Variants in SAMSN1 observed in about 807,000 individuals in gnomAD.
The protein encoded by SAMSN1 is SAM domain, SH3 domain and nuclear localization signals 1, also known as SAM domain-containing protein SAMSN-1.
Under a neutral mutation model 42.0 loss-of-function variants are expected in SAMSN1, and 31 were observed. The ratio of observed to expected loss-of-function variants is 0.74; its 90% CI spans 0.55 to 1.00. SAMSN1 has a LOEUF of 1.00. Among genes scored for constraint, SAMSN1 ranks in the 50% least tolerant of loss-of-function variants. The pLI is 0.00. For synonymous variants in SAMSN1, 178 were observed against 151.9 expected (o/e 1.17, Z -1.26); for missense variants, 464 against 439.4 (o/e 1.06, Z -0.50).
intron 2 of SAMSN1, among the ~76,000 whole-genome samples, chr21:14,553,056 A>G (rs978853883): frequency 6.6e-6 from 1 of 151,962 alleles, no homozygotes; most frequent in South Asian, 2.1e-4. Flanking sequence ...TAAAAAAAAA[A>G]TGTTTCTAGT....
At chr21:14,645,146 G>A (rs188664823) in intron 1 of SAMSN1, among the ~76,000 whole-genome samples, 1 of 152,336 alleles carries the variant, frequency 6.6e-6, no homozygotes, top group Admixed American at 6.5e-5. Context: ...TGACTGTAGA[G>A]CCTGAGCGCT....
chr21:14,613,975 GAC>G (rs749460940), intron 3 of SAMSN1, among the ~76,000 whole-genome samples: 7 of 151,980 alleles, frequency 4.6e-5, no homozygotes, highest in Non-Finnish European at 1.0e-4. Flanking sequence ...AATTCTTCAG[GAC>G]ACAGACTCCA....
At chr21:14,513,045 A>G (rs1241083938) in intron 3 of SAMSN1, among the ~76,000 whole-genome samples, 2 of 152,264 alleles carry the variant, frequency 1.3e-5, no homozygotes, top group African/African-American at 4.8e-5. Context: ...TGAATAAAAC[A>G]TGTACATTTT....
At chr21:14,498,317 C>G (rs2274796) in intron 7 of SAMSN1, 125 bp downstream of exon 7, 2 of 761,690 alleles carry the variant, frequency 2.6e-6, no homozygotes, top group Non-Finnish European at 4.2e-6. Flanking sequence ...ATGAAAATAC[C>G]TATTTTATGG....
intron 2 of SAMSN1, among the ~76,000 whole-genome samples, chr21:14,554,600 T>G (rs1980698554): frequency 6.6e-6 from 1 of 152,060 alleles, no homozygotes; most frequent in Non-Finnish European, 1.5e-5. Flanking sequence ...GATACATTAC[T>G]AAAGATCATG....
At chr21:14,578,680 C>CAAAAAAAA (rs769354531) in intron 2 of SAMSN1, among the ~76,000 whole-genome samples, 1 of 63,718 alleles carries the variant, frequency 1.6e-5, no homozygotes. Context: ...GAGAATCCAT[C>CAAAAAAAA]AAAAAAAAAA....
At chr21:14,623,750 T>G (rs1207005473) in intron 2 of SAMSN1, among the ~76,000 whole-genome samples, 1 of 152,106 alleles carries the variant, frequency 6.6e-6, no homozygotes, top group Non-Finnish European at 1.5e-5. Context: ...ATCCAGGAAT[T>G]GAACTCAGCT....
chr21:14,631,515 C>G (rs1983327568), intron 2 of SAMSN1, among the ~76,000 whole-genome samples: 1 of 151,980 alleles, frequency 6.6e-6, no homozygotes. Context: ...TTACAGGTGC[C>G]CACCACCACA....
intron 6 of SAMSN1, among the ~76,000 whole-genome samples, chr21:14,596,198 A>T (rs1029164079): frequency 5.3e-5 from 8 of 152,276 alleles, no homozygotes; most frequent in Non-Finnish European, 8.8e-5. Context: ...TTCACCGGAA[A>T]CAAGAGATTT....
chr21:14,635,477 C>G (rs151156514), intron 2 of SAMSN1, among the ~76,000 whole-genome samples: 3 of 152,194 alleles, frequency 2.0e-5, no homozygotes, highest in Non-Finnish European at 4.4e-5. Context: ...AAACACTCCA[C>G]TATACCTAGG....
chr21:14,526,509 T>C (rs975030667), intron 1 of SAMSN1, among the ~76,000 whole-genome samples: 2 of 152,204 alleles, frequency 1.3e-5, no homozygotes, highest in African/African-American at 4.8e-5. Flanking sequence ...CGATTCTTTT[T>C]TTATTAGTAC....
At chr21:14,630,477 A>T (rs1380637236) in intron 2 of SAMSN1, among the ~76,000 whole-genome samples, 1 of 152,148 alleles carries the variant, frequency 6.6e-6, no homozygotes, top group African/African-American at 2.4e-5. Context: ...AATAAAAAAA[A>T]GAACAGAGCA....
At chr21:14,633,435 ACT>A (rs1263462929) in intron 2 of SAMSN1, among the ~76,000 whole-genome samples, 3 of 152,166 alleles carry the variant, frequency 2.0e-5, no homozygotes, top group Admixed American at 6.5e-5. Flanking sequence ...ATCTGGTCTA[ACT>A]CTGTTAGTTT....
Position 14,612,897 on chromosome 21 carries a change from TA to T in SAMSN1, c.213del (p.Phe71LeufsTer13), listed in dbSNP as rs1190695218. 5.7e-6 allele frequency: 4 copies of T among 707,136 alleles called. No homozygotes were observed. The East Asian group carries it at 8.1e-5, about 14-fold the overall frequency. The allele number at this position is 707,136 out of a possible 1,614,324, so 43.8% of individuals were successfully genotyped here. ...TAACCAAATATTTTATTTTCAGACA[TA>T]AATCTCCGGAATAACCTGGAAGAAT... On this transcript the variant is annotated frameshift_variant, in exon 4 of 16. Transcript: ENST00000647101. LOFTEE classifies it high-confidence loss of function.
At chr21:14,573,705 T>G (rs1981375692) in intron 2 of SAMSN1, among the ~76,000 whole-genome samples, 1 of 152,182 alleles carries the variant, frequency 6.6e-6, no homozygotes. Context: ...ATTGTATCCT[T>G]ATGACCCAAA....
Position 14,500,720 on chromosome 21 carries a change from C to T in SAMSN1, c.577G>A (p.Asp193Asn). The change falls in exon 6 of 8, where the codon GAC becomes AAC. Residue 193 changes from aspartate to asparagine, a missense_variant. Physicochemically the swap from Asp to Asn is conservative, Grantham distance 23. Coordinates refer to ENST00000400566, the MANE Select transcript of SAMSN1 (RefSeq NM_022136.5). Reference sequence around the variant, plus strand: ...CCCATTGGTGTTTTGCAAATAATGTCTATGATGTCTCCTTTCTAAGGGCAA... The same window carrying T: ...CCCATTGGTGTTTTGCAAATAATGTTTATGATGTCTCCTTTCTAAGGGCAA... ...SLKIKKGDII[D>N]IICKTPMGMW... is the part of the protein sequence containing the mutation. The T allele has an allele frequency of 6.2e-7, 1 of 1,613,336 alleles. No homozygotes were observed. The highest frequency in any genetic ancestry group is 8.5e-7 in the Non-Finnish European group (1 of 1,179,344).
chr21:14,620,354 TG>T (rs58487721), intron 2 of SAMSN1, among the ~76,000 whole-genome samples: 1,755 of 152,246 alleles, frequency 0.012, 25 homozygotes, highest in African/African-American at 0.039. Flanking sequence ...GTTTCATAAG[TG>T]GTTAACAGTT....
At chr21:14,612,730 T>A (rs1982739617) in intron 4 of SAMSN1, 2 of 658,476 alleles carry the variant, frequency 3.0e-6, no homozygotes, top group Non-Finnish European at 2.8e-6. Context: ...AAGCCACTTT[T>A]AAAAAATGTT....
At chr21:14,576,709 A>G (rs958131687) in intron 2 of SAMSN1, among the ~76,000 whole-genome samples, 1 of 152,192 alleles carries the variant, frequency 6.6e-6, no homozygotes, top group African/African-American at 2.4e-5. Flanking sequence ...ATTCCAAAAA[A>G]AGTCTCATAC....
Sources: allele counts gnomAD v4.1 joint callset (sites outside exome capture counted in the v4.1 genomes callset), GRCh38; gene constraint gnomAD v4.1.1; transcripts MANE v1.5; gene names NCBI Gene and HGNC (gene_info 2026-07-23, HGNC 2026-07-21).